Variants in MGAT4C observed in about 807,000 individuals in gnomAD.
MGAT4C encodes the protein MGAT4 family member C.
A neutral mutation model predicts 40.1 loss-of-function variants in MGAT4C; 19 were observed. The observed-to-expected ratio is 0.47, with a 90% CI of 0.33 to 0.70. The LOEUF is 0.70. Among genes scored for constraint, MGAT4C ranks in the 30% least tolerant of loss-of-function variants. The pLI is 0.02. For synonymous variants in MGAT4C, 181 were observed against 187.1 expected, an observed-to-expected ratio of 0.97 and a Z score of 0.27; for missense variants, 491 against 563.2, an observed-to-expected ratio of 0.87 and a Z score of 1.30.
intron 1 of MGAT4C, among the ~76,000 whole-genome samples, chr12:86,059,491 C>T (rs950534315): frequency 6.6e-6 from 1 of 152,206 alleles, no homozygotes; most frequent in Admixed American, 6.5e-5. Flanking sequence ...CCAGTGTTTC[C>T]GGTTTCCTTT....
intron 2 of MGAT4C, among the ~76,000 whole-genome samples, chr12:86,566,531 CAT>C (rs71078910): frequency 1.2e-3 from 46 of 39,842 alleles, no homozygotes; most frequent in Non-Finnish European, 2.2e-3. Flanking sequence ...AACTCATATA[CAT>C]ATATATATAT....
Position 85,969,283 on chromosome 12 carries a change from C to A in MGAT4C, c.*10006G>T, listed in dbSNP as rs1426192729. ...GTAAGCTATAGGCCAATAAACACAA[C>A]TTTGGGGTTTACTGATGTTTTCCAA... On this transcript the variant is annotated 3_prime_UTR_variant, in exon 5 of 5. Coordinates refer to ENST00000611864, the MANE Select transcript of MGAT4C (RefSeq NM_001351288.2). The A allele has an allele frequency of 6.6e-6, 1 of 151,650 alleles. No individual in the cohort carries two copies. Among genetic ancestry groups the A allele is most frequent in the African/African-American group, 2.4e-5 (1 of 41,374 alleles). The allele number at this position is 151,650 out of a possible 1,614,324, so 9.4% of individuals were successfully genotyped here.
At chr12:86,443,840 C>T (rs1399551338) in intron 2 of MGAT4C, among the ~76,000 whole-genome samples, 2 of 152,072 alleles carry the variant, frequency 1.3e-5, no homozygotes, top group African/African-American at 4.8e-5. Flanking sequence ...GTGATGCGCC[C>T]GCCTCGGCTT....
intron 1 of MGAT4C, among the ~76,000 whole-genome samples, chr12:86,729,238 G>A (rs1408311777): frequency 2.0e-5 from 3 of 152,064 alleles, no homozygotes; most frequent in Non-Finnish European, 2.9e-5. Flanking sequence ...TAACACAAAG[G>A]ATAAATGCTT....
At chr12:86,539,584 T>C (rs1254569281) in intron 2 of MGAT4C, among the ~76,000 whole-genome samples, 1 of 152,214 alleles carries the variant, frequency 6.6e-6, no homozygotes, top group Non-Finnish European at 1.5e-5. Flanking sequence ...TTCTAGATAC[T>C]TGAGGAATCG....
intron 2 of MGAT4C, among the ~76,000 whole-genome samples, chr12:86,569,927 T>C (rs993489230): frequency 1.3e-5 from 2 of 152,146 alleles, no homozygotes; most frequent in African/African-American, 4.8e-5. Context: ...GAGGGCATTC[T>C]GTTAAGTAAA....
At chr12:86,472,223 T>C (rs1229201123) in intron 2 of MGAT4C, among the ~76,000 whole-genome samples, 1 of 152,196 alleles carries the variant, frequency 6.6e-6, no homozygotes, top group Non-Finnish European at 1.5e-5. Context: ...CCAGCGACTG[T>C]AGGCCATTTG....
intron 1 of MGAT4C, among the ~76,000 whole-genome samples, chr12:86,168,446 A>C (rs1467468133): frequency 6.6e-6 from 1 of 152,184 alleles, no homozygotes; most frequent in Admixed American, 6.5e-5. Flanking sequence ...CCAAATTCAT[A>C]TTGAGAGATA....
intron 2 of MGAT4C, among the ~76,000 whole-genome samples, chr12:86,610,093 C>A (rs1013745925): frequency 2.0e-5 from 3 of 152,066 alleles, no homozygotes; most frequent in Non-Finnish European, 4.4e-5. Flanking sequence ...AATTCACTGA[C>A]CATGCATGGC....
chr12:86,010,825 GGATTAATGGGCT>G, intron 2 of MGAT4C, among the ~76,000 whole-genome samples: 1 of 152,260 alleles, frequency 6.6e-6, no homozygotes, highest in Non-Finnish European at 1.5e-5. Context: ...ATCCATTCAT[GGATTAATGGGCT>G]AATGGATTAG....
chr12:86,652,710 T>A (rs190775742), intron 2 of MGAT4C, among the ~76,000 whole-genome samples: 35 of 152,016 alleles, frequency 2.3e-4, no homozygotes, highest in Admixed American at 1.8e-3. Flanking sequence ...CACGCCTAAG[T>A]AGCCACTCTT....
chr12:86,601,930 G>A (rs1961798303), intron 2 of MGAT4C, among the ~76,000 whole-genome samples: 1 of 152,158 alleles, frequency 6.6e-6, no homozygotes, highest in South Asian at 2.1e-4. Flanking sequence ...TACCCTCTTT[G>A]GGGCTCTGTG....
At chr12:86,793,697 TTC>T (rs955302228) in intron 1 of MGAT4C, among the ~76,000 whole-genome samples, 1 of 152,030 alleles carries the variant, frequency 6.6e-6, no homozygotes, top group African/African-American at 2.4e-5. Context: ...CATATAAGAA[TTC>T]TCTCATAATT....
intron 2 of MGAT4C, among the ~76,000 whole-genome samples, chr12:86,017,244 G>A (rs550652645): frequency 3.9e-5 from 6 of 152,120 alleles, no homozygotes; most frequent in East Asian, 1.9e-4. Context: ...CAGGAATCTC[G>A]AACTCGGAGC....
intron 2 of MGAT4C, among the ~76,000 whole-genome samples, chr12:86,480,256 G>C (rs947036438): frequency 2.0e-5 from 3 of 151,646 alleles, no homozygotes; most frequent in Non-Finnish European, 3.0e-5. Context: ...ATCAACATTT[G>C]CTGCTTTTGG....
intron 1 of MGAT4C, among the ~76,000 whole-genome samples, chr12:86,169,070 C>T (rs567248803): frequency 9.2e-5 from 14 of 152,078 alleles, no homozygotes; most frequent in East Asian, 1.9e-4. Flanking sequence ...TAAATTCAGG[C>T]GCCAGAAGTT....
At chr12:86,176,808 T>C (rs1887491078) in intron 1 of MGAT4C, among the ~76,000 whole-genome samples, 1 of 148,184 alleles carries the variant, frequency 6.7e-6, no homozygotes, top group Admixed American at 6.9e-5. Context: ...GGCCAAATTA[T>C]ATTTGCTGTT....
At chr12:86,582,528 G>T (rs975556335) in intron 2 of MGAT4C, among the ~76,000 whole-genome samples, 1 of 151,306 alleles carries the variant, frequency 6.6e-6, no homozygotes, top group African/African-American at 2.4e-5. Flanking sequence ...CAGTTGGAAG[G>T]GAACAGAAGT....
At chr12:86,508,207 C>G (rs189936108) in intron 2 of MGAT4C, among the ~76,000 whole-genome samples, 412 of 152,180 alleles carry the variant, frequency 2.7e-3, no homozygotes, top group African/African-American at 9.6e-3. Flanking sequence ...ATCCCTCCCC[C>G]CTTCCCCCAC....
Sources: allele counts gnomAD v4.1 joint callset (sites outside exome capture counted in the v4.1 genomes callset), GRCh38; gene constraint gnomAD v4.1.1; transcripts MANE v1.5; gene names NCBI Gene and HGNC (gene_info 2026-07-23, HGNC 2026-07-21).